Variants in CAMKK1 observed in about 807,000 individuals in gnomAD.
CAMKK1 encodes the protein calcium/calmodulin dependent protein kinase kinase 1.
A neutral mutation model predicts 63.5 loss-of-function variants in CAMKK1; 20 were observed. The ratio of observed to expected loss-of-function variants is 0.32; its 90% CI spans 0.22 to 0.46. The LOEUF (loss-of-function observed/expected upper bound fraction) is 0.46. Ranked by LOEUF, CAMKK1 falls within the 20% of genes least tolerant of loss-of-function variation. The pLI is 1.00. For synonymous variants in CAMKK1, 253 were observed against 269.0 expected (o/e 0.94, Z 0.58); for missense variants, 588 against 658.1 (o/e 0.89, Z 1.17).
intron 14 of CAMKK1, among the ~76,000 whole-genome samples, chr17:3,867,956 A>G (rs2054602613): frequency 6.7e-6 from 1 of 148,646 alleles, no homozygotes; most frequent in Non-Finnish European, 1.5e-5. Flanking sequence ...GGCACTGTCT[A>G]ATGGATACGC....
Position 3,863,837 on chromosome 17 carries a change from T to G in CAMKK1, c.1446-1554A>C, listed in dbSNP as rs1447976206. On this transcript the variant is annotated intron_variant, in intron 15 of 15. Coordinates refer to ENST00000348335, the MANE Select transcript of CAMKK1 (RefSeq NM_032294.3). ...CCAGGTACAAACTAGACACTAAATG[T>G]ATCCTTATCCTGTGTCTGGCTTGTT... Among the ~76,000 whole-genome samples the G allele has an allele frequency of 2.0e-5, 3 of 152,222 alleles. No individual in the cohort carries two copies. The South Asian group carries it at 6.2e-4, about 32-fold the overall frequency.
rs148093157 is a variant in CAMKK1 at position 3,868,875 on chromosome 17, G to A, written c.1341+612C>T. Among the ~76,000 whole-genome samples the A allele has an allele frequency of 7.6e-3, 1,151 of 151,752 alleles. 13 individuals are homozygous for A. The highest frequency in any genetic ancestry group is 0.024 in the African/African-American group (994 of 41,362). ...TCGCCGTATTAGCCAGGATGGTCTC[G>A]ATCTCCTGACCTCGTGATCCACCCG... On this transcript the variant is annotated intron_variant, in intron 14 of 15. Transcript: ENST00000348335.
In CAMKK1 at chr17:3,882,546, C is replaced by T. The variant is rs2055456758; in HGVS notation, c.667G>A (p.Glu223Lys). The change falls in exon 7 of 16, where the codon GAG (glutamate) becomes AAG (lysine). Residue 223 changes from glutamate (E) to lysine (K), a missense_variant. Transcript: ENST00000348335. This position sits in a 1 kb window ranked among gnomAD's most constrained non-coding sequence, Gnocchi z 4.3. ...CACTCACCCAAATAGAGGTTGTCCT[C>T]AGCTGGGTCATCCAGGACCTGGTCA... The part of the protein sequence containing the change: ...KLIEVLDDPA[E>K]DNLYLVFDLL... 3.1e-6 allele frequency: 5 copies of T among 1,594,382 alleles called. No homozygotes were observed. The East Asian group carries it at 1.1e-4, about 36-fold the overall frequency.
At position 3,878,419 on chromosome 17, in the gene CAMKK1, C is replaced by T. The variant is rs148707684; in HGVS notation, c.796+1927G>A. 1.5e-3 allele frequency among the ~76,000 whole-genome samples: 230 copies of T among 152,300 alleles called. 4 individuals carry two copies. The East Asian group carries it at 0.04, about 26-fold the overall frequency. ...AGATAAACTCGTTTCTTTGTGGAGG[C>T]TAGGGGATAGCAGACAACAGGACTT... On this transcript the variant is annotated intron_variant, in intron 9 of 15. Transcript: ENST00000348335.
At chr17:3,865,053 C>T (rs1338746303) in intron 15 of CAMKK1, 5 of 882,464 alleles carry the variant, frequency 5.7e-6, no homozygotes, top group East Asian at 1.2e-4. Context: ...AGCTTCCCTC[C>T]GGGGCCAGAG....
chr17:3,862,141 G>C lies in CAMKK1; in HGVS notation c.*70C>G. 7.5e-7 allele frequency: 1 copy of C among 1,336,676 alleles called. No individual in the cohort carries two copies. Among genetic ancestry groups the C allele is most frequent in the Non-Finnish European group, 1.0e-6 (1 of 961,570 alleles). The allele number at this position is 1,336,676 out of a possible 1,614,324, so 82.8% of individuals were successfully genotyped here. On this transcript the variant is annotated 3_prime_UTR_variant, in exon 16 of 16. Coordinates refer to ENST00000348335, the MANE Select transcript of CAMKK1 (RefSeq NM_032294.3). This position sits in a 1 kb window ranked among gnomAD's most constrained non-coding sequence, Gnocchi z 4.1. ...CCCCCTGCCTGCGGGGGCGGCTGTTGCATGAGGGGTGGGCCTCTGGAGGCG... is the reference window on the plus strand; with the variant it reads ...CCCCCTGCCTGCGGGGGCGGCTGTTCCATGAGGGGTGGGCCTCTGGAGGCG...
At chr17:3,888,499 C>T (rs1456816933) in intron 1 of CAMKK1, among the ~76,000 whole-genome samples, 2 of 152,214 alleles carry the variant, frequency 1.3e-5, no homozygotes, top group Non-Finnish European at 2.9e-5. Flanking sequence ...TTGGGTTTTC[C>T]TCGCCCGCAA....
rs910121521 is a variant in CAMKK1, at chr17:3,892,997, G to GCGCCC, written c.-107_-103dup. ...GGGCGGCCCCACTCGCTCCTGCTGCGCGCCCCGCCCCGCCCCGCCCCGCCC... is the reference window on the plus strand; with the variant it reads ...GGGCGGCCCCACTCGCTCCTGCTGCGCGCCCCGCCCCGCCCCGCCCCGCCCCGCCC... On this transcript the variant is annotated 5_prime_UTR_variant, in exon 1 of 16. Transcript: ENST00000348335. This position sits in a 1 kb window ranked among gnomAD's most constrained non-coding sequence, Gnocchi z 7.5. 0.025 allele frequency: 3,612 copies of GCGCCC among 146,854 alleles called. 42 individuals carry two copies. The highest frequency in any genetic ancestry group is 0.03 in the East Asian group (149 of 4,970). 9.1% of individuals were successfully genotyped at this position (146,854 alleles called of 1,614,324 possible). A position where few individuals can be genotyped will look rare whatever the true frequency, so the allele number is the denominator to read the frequency against.
rs2055843892 is a variant in CAMKK1, at chr17:3,890,267, G to A, written c.-44+2672C>T. ...CGTCTGGTGCCAAGTCATGCTTGAC[G>A]ACTCCTGCTGTGAGGACGCCCGCTC... On this transcript the variant is annotated intron_variant, in intron 1 of 15. Transcript: ENST00000348335. The surrounding 1 kb of genome is among the most constrained non-coding windows in gnomAD (Gnocchi z 6.5). Among the ~76,000 whole-genome samples, 1 of 152,118 alleles carries A rather than the reference G, an allele frequency of 6.6e-6. No homozygotes were observed. Among genetic ancestry groups the A allele is most frequent in the Non-Finnish European group, 1.5e-5 (1 of 68,020 alleles).
At position 3,887,523 on chromosome 17, in the gene CAMKK1, G is replaced by A. The variant is rs1425219475; in HGVS notation, c.-43-1793C>T. ...TGAGTGAGGCTAGAGTATCAGGGAG[G>A]CCTCCCTGGAAGAGAGGGCAGGAGA... On this transcript the variant is annotated intron_variant, in intron 1 of 15. Transcript: ENST00000348335. The surrounding 1 kb of genome is among the most constrained non-coding windows in gnomAD (Gnocchi z 6.1). Among the ~76,000 whole-genome samples, 1 of 151,532 alleles carries A rather than the reference G, an allele frequency of 6.6e-6. No individual in the cohort carries two copies. Among genetic ancestry groups the A allele is most frequent in the Admixed American group, 6.6e-5 (1 of 15,238 alleles).
chr17:3,868,741 C>T (rs934258010), intron 14 of CAMKK1, among the ~76,000 whole-genome samples: 8 of 152,104 alleles, frequency 5.3e-5, no homozygotes, highest in Non-Finnish European at 1.2e-4. Flanking sequence ...CAACCTCCAC[C>T]TCCCAGGTTC....
intron 10 of CAMKK1, among the ~76,000 whole-genome samples, chr17:3,874,849 T>C (rs912907322): frequency 8.0e-5 from 12 of 150,616 alleles, no homozygotes; most frequent in African/African-American, 2.7e-4. Flanking sequence ...TGGCTGGGCG[T>C]GGTGGCTCAC....
chr17:3,872,368 C>T (rs1027242695), intron 12 of CAMKK1, among the ~76,000 whole-genome samples, 186 bp downstream of exon 12: 1 of 152,204 alleles, frequency 6.6e-6, no homozygotes, highest in East Asian at 1.9e-4. Context: ...CACACAGTGA[C>T]GTTGCGGAGA....
At chr17:3,885,190 T>C in intron 2 of CAMKK1, 138 bp downstream of exon 2, 2 of 1,036,910 alleles carry the variant, frequency 1.9e-6, no homozygotes, top group Non-Finnish European at 2.7e-6. Context: ...AGCTATATTG[T>C]TAGGTAGTGA....
At chr17:3,864,397 C>A (rs1309196402) in intron 15 of CAMKK1, among the ~76,000 whole-genome samples, 1 of 152,150 alleles carries the variant, frequency 6.6e-6, no homozygotes, top group African/African-American at 2.4e-5. Flanking sequence ...CAGGTGCCCG[C>A]CACCACGCCC....
chr17:3,892,589 G>T lies in CAMKK1; in HGVS notation c.-44+350C>A, dbSNP rs1339896669. Among the ~76,000 whole-genome samples the T allele has an allele frequency of 6.6e-6, 1 of 152,190 alleles. No individual in the cohort carries two copies. Among genetic ancestry groups the T allele is most frequent in the Non-Finnish European group, 1.5e-5 (1 of 68,022 alleles). ...GGAGAACCGCACGTGGGTGCCCCGG[G>T]CCGGGCCCACTCCGCACAGACGTGG... On this transcript the variant is annotated intron_variant, in intron 1 of 15. Coordinates refer to ENST00000348335, the MANE Select transcript of CAMKK1 (RefSeq NM_032294.3). The surrounding 1 kb of genome is among the most constrained non-coding windows in gnomAD (Gnocchi z 7.5).
At position 3,887,415 on chromosome 17, in the gene CAMKK1, T is replaced by C. The variant is rs1236189681; in HGVS notation, c.-43-1685A>G. On this transcript the variant is annotated intron_variant, in intron 1 of 15. Coordinates refer to ENST00000348335, the MANE Select transcript of CAMKK1 (RefSeq NM_032294.3). The surrounding 1 kb of genome is among the most constrained non-coding windows in gnomAD (Gnocchi z 6.1). ...TAGGAACAGGAAAAGTCATGGAAGC[T>C]GGACCCAGAGGAGTGAGAGGGAGTT... 6.6e-6 allele frequency among the ~76,000 whole-genome samples: 1 copy of C among 152,142 alleles called. No individual in the cohort carries two copies. Among genetic ancestry groups the C allele is most frequent in the African/African-American group, 2.4e-5 (1 of 41,426 alleles).
At position 3,888,858 on chromosome 17, in the gene CAMKK1, C is replaced by T. The variant is rs760876926; in HGVS notation, c.-43-3128G>A. On this transcript the variant is annotated intron_variant, in intron 1 of 15. Transcript: ENST00000348335. ...GGCGCCCCGGCCGCGTGTGTGAGGG[C>T]GTGTGTCCCCACAGGAGGGAATATG... Among the ~76,000 whole-genome samples, 4 of 152,036 alleles carry T rather than the reference C, an allele frequency of 2.6e-5. No individual in the cohort carries two copies. The East Asian group carries it at 5.8e-4, about 22-fold the overall frequency.
rs181563313 is a variant in CAMKK1 at position 3,890,288 on chromosome 17, C to G, written c.-44+2651G>C. ...TGACGACTCCTGCTGTGAGGACGCC[C>G]GCTCCCACCATCCCTGGGGAGCCCC... On this transcript the variant is annotated intron_variant, in intron 1 of 15. Transcript: ENST00000348335. This position sits in a 1 kb window ranked among gnomAD's most constrained non-coding sequence, Gnocchi z 6.5. 2.0e-5 allele frequency among the ~76,000 whole-genome samples: 3 copies of G among 152,268 alleles called. No homozygotes were observed. Among genetic ancestry groups the G allele is most frequent in the East Asian group, 1.9e-4 (1 of 5,182 alleles).
Sources: allele counts gnomAD v4.1 joint callset (sites outside exome capture counted in the v4.1 genomes callset), GRCh38; gene constraint gnomAD v4.1.1; non-coding constraint Gnocchi (gnomAD v3.1); transcripts MANE v1.5; gene names NCBI Gene and HGNC (gene_info 2026-07-23, HGNC 2026-07-21).